The following SEC24D variants were observed in gnomAD, a reference collection of about 807,000 sequenced individuals.
SEC24D encodes the protein protein transport protein Sec24D.
Under a neutral mutation model 116.9 loss-of-function variants are expected in SEC24D, and 69 were observed. The ratio of observed to expected loss-of-function variants is 0.59; its 90% CI spans 0.49 to 0.72. The LOEUF is 0.72. SEC24D is among the 30% of genes least tolerant of loss of function. The pLI is 0.00. For synonymous variants in SEC24D, 405 were observed against 442.8 expected, an observed-to-expected ratio of 0.91 and a Z score of 1.07; for missense variants, 1,131 against 1,264.1, an observed-to-expected ratio of 0.89 and a Z score of 1.60.
At chr4:118,731,584 TTTCC>T in intron 20 of SEC24D, 77 bp from the exon 21 acceptor site, 1 of 1,275,394 alleles carries the variant, frequency 7.8e-7, no homozygotes, top group Non-Finnish European at 1.1e-6. Context: ...TCCTTTCCTT[TTTCC>T]TCCCTCCCCT....
At chr4:118,732,980 G>T in intron 19 of SEC24D, 68 bp from the exon 20 acceptor site, 3 of 1,323,810 alleles carry the variant, frequency 2.3e-6, no homozygotes, top group Non-Finnish European at 3.2e-6. Flanking sequence ...AGCTTCATCT[G>T]TAAGACTGAA....
rs1726927196 is a variant in SEC24D at position 118,753,285 on chromosome 4, G to A, written c.1422-397C>T. Among the ~76,000 whole-genome samples, 3 of 152,102 alleles carry A rather than the reference G, an allele frequency of 2.0e-5. No individual in the cohort carries two copies. The South Asian group carries it at 6.2e-4, about 31-fold the overall frequency. On this transcript the variant is annotated intron_variant, in intron 11 of 22. Transcript: ENST00000280551. The stretch of plus-strand genomic sequence containing the variant: ...CAGAAGAACAAATGGAATATTTGAA[G>A]CAAGGGATGAGGAAGCCATACTCAT...
At chr4:118,766,372 C>G (rs1727644907) in intron 9 of SEC24D, among the ~76,000 whole-genome samples, 1 of 152,180 alleles carries the variant, frequency 6.6e-6, no homozygotes, top group Non-Finnish European at 1.5e-5. Context: ...TGGGTTCTTT[C>G]TAACTCCAAC....
At position 118,740,979 on chromosome 4, in the gene SEC24D, A is replaced by G; in HGVS notation, c.2054T>C (p.Ile685Thr). Residue 685 changes from isoleucine to threonine, a missense_variant, in exon 16 of 23, where the codon ATA becomes ACA. Ile to Thr is a moderately conservative substitution (Grantham distance 89, BLOSUM62 -1). Transcript: ENST00000280551. ...NDLRNDIEKK[I>T]GFDAIMRVRT... ...AACCCTCATAATAGCATCAAAGCCT[A>G]TTTTCTTTTCAATATCATTTCTGAG... 6.3e-7 allele frequency: 1 copy of G among 1,598,406 alleles called. No homozygotes were observed. The highest frequency in any genetic ancestry group is 8.5e-7 in the Non-Finnish European group (1 of 1,170,856).
rs755397076 is a variant in SEC24D, at chr4:118,815,055, C to G, written c.774G>C (p.Lys258Asn). ...QMAGPPQPQK[K>N]LDPDSIPSPI... ...GGCTAGGGATAGAGTCAGGATCCAGCTTCTTCTGGGGCTGTGGCGGACCAG... is the reference window on the plus strand; with the variant it reads ...GGCTAGGGATAGAGTCAGGATCCAGGTTCTTCTGGGGCTGTGGCGGACCAG... Residue 258 changes from lysine to asparagine, a missense_variant, in exon 6 of 23, where the codon AAG becomes AAC. Coordinates refer to ENST00000280551, the MANE Select transcript of SEC24D (RefSeq NM_014822.4). 3.7e-6 allele frequency: 6 copies of G among 1,614,040 alleles called. No individual in the cohort carries two copies. Among genetic ancestry groups the G allele is most frequent in the Non-Finnish European group, 5.1e-6 (6 of 1,180,030 alleles).
rs779525650 is a variant in SEC24D, at chr4:118,757,852, G to C, written c.1297-7C>G. ...GGTTGGGAGGCTTACTCTTCTATAG[G>C]AAAGCAAACACATCACATAAATAAA... is the stretch of plus-strand genomic sequence containing the variant. On this transcript the variant is annotated splice_region_variant and splice_polypyrimidine_tract_variant and intron_variant, in intron 10 of 22. Transcript: ENST00000280551. The C allele has an allele frequency of 5.0e-6, 8 of 1,592,826 alleles. No homozygotes were observed. In the South Asian group the frequency reaches 5.7e-5, roughly 11 times the overall value.
In SEC24D at chr4:118,833,530, G is replaced by A. The variant is rs373812405; in HGVS notation, c.118+49C>T. 4 of 1,257,268 alleles carry A rather than the reference G, an allele frequency of 3.2e-6. No individual in the cohort carries two copies. The African/African-American group carries it at 4.5e-5, about 14-fold the overall frequency. The allele number at this position is 1,257,268 out of a possible 1,614,324, so 77.9% of individuals were successfully genotyped here. A position where few individuals can be genotyped will look rare whatever the true frequency, so the allele number is the denominator to read the frequency against. ...CTCTTTCAGAACATCTTATGTCTCTGAGCCTGAGAACTGAATAATCACATA... is the reference window on the plus strand; with the variant it reads ...CTCTTTCAGAACATCTTATGTCTCTAAGCCTGAGAACTGAATAATCACATA... On this transcript the variant is annotated intron_variant, in intron 2 of 22. Transcript: ENST00000280551.
At chr4:118,774,622 TG>T (rs1728050974) in intron 8 of SEC24D, among the ~76,000 whole-genome samples, 1 of 152,164 alleles carries the variant, frequency 6.6e-6, no homozygotes, top group African/African-American at 2.4e-5. Flanking sequence ...GCTTGCAGAC[TG>T]GATCTGTAGA....
At chr4:118,745,806 T>C (rs1437230468) in intron 13 of SEC24D, among the ~76,000 whole-genome samples, 1 of 152,214 alleles carries the variant, frequency 6.6e-6, no homozygotes, top group East Asian at 1.9e-4. Flanking sequence ...TTCCAAGCCA[T>C]ACTGCACACT....
At chr4:118,789,580 T>C (rs1226459568) in intron 8 of SEC24D, among the ~76,000 whole-genome samples, 1 of 152,178 alleles carries the variant, frequency 6.6e-6, no homozygotes, top group African/African-American at 2.4e-5. Flanking sequence ...ATGTATTATT[T>C]ATTTATTTAT....
At chr4:118,726,158 T>G (rs1157488492) in intron 22 of SEC24D, among the ~76,000 whole-genome samples, 1 of 152,190 alleles carries the variant, frequency 6.6e-6, no homozygotes, top group Non-Finnish European at 1.5e-5. Context: ...TTTCATTGGC[T>G]GACTCACAGG....
chr4:118,823,452 G>A (rs916518811), intron 3 of SEC24D, among the ~76,000 whole-genome samples: 1 of 152,112 alleles, frequency 6.6e-6, no homozygotes, highest in African/African-American at 2.4e-5. Context: ...TCACCATTAG[G>A]AGGATCTACA....
At chr4:118,738,599 T>C (rs1421777363) in intron 18 of SEC24D, among the ~76,000 whole-genome samples, 4 of 152,190 alleles carry the variant, frequency 2.6e-5, no homozygotes, top group Non-Finnish European at 2.9e-5. Context: ...AAAGGTTATA[T>C]TGGCCAGATT....
At chr4:118,732,119 G>A (rs565275899) in intron 20 of SEC24D, among the ~76,000 whole-genome samples, 45 of 152,146 alleles carry the variant, frequency 3.0e-4, no homozygotes, top group South Asian at 6.2e-4. Context: ...TTTGAGCAAA[G>A]AAGTAATACG....
At position 118,723,346 on chromosome 4, in the gene SEC24D, G is replaced by T; in HGVS notation, c.*169C>A. On this transcript the variant is annotated 3_prime_UTR_variant, in exon 23 of 23. Transcript: ENST00000280551. ...TTATGGTACAATTGTACCTTAATTG[G>T]CTTTATACCTGAGCACCAAAGCTGA... 1 of 598,434 alleles carries T rather than the reference G, an allele frequency of 1.7e-6. No individual in the cohort carries two copies. The highest frequency in any genetic ancestry group is 2.9e-6 in the Non-Finnish European group (1 of 350,556). The allele number at this position is 598,434 out of a possible 1,614,324, so 37.1% of individuals were successfully genotyped here. A position where few individuals can be genotyped will look rare whatever the true frequency, so the allele number is the denominator to read the frequency against.
intron 20 of SEC24D, among the ~76,000 whole-genome samples, chr4:118,731,763 A>G (rs1725695613): frequency 2.0e-5 from 3 of 152,254 alleles, no homozygotes; most frequent in South Asian, 2.1e-4. Flanking sequence ...TATGAAGAAA[A>G]GATGCACAAA....
intron 6 of SEC24D, among the ~76,000 whole-genome samples, chr4:118,807,401 G>GAAC (rs1235698193): frequency 1.3e-5 from 2 of 151,582 alleles, no homozygotes; most frequent in African/African-American, 4.9e-5. Flanking sequence ...GTTAAAAAGA[G>GAAC]AACAAGAAAG....
chr4:118,800,205 C>T (rs899259078), intron 7 of SEC24D, among the ~76,000 whole-genome samples: 2 of 151,904 alleles, frequency 1.3e-5, no homozygotes, highest in Admixed American at 6.6e-5. Flanking sequence ...AAGAAAGATG[C>T]GAGAGAAGGT....
In SEC24D at chr4:118,833,593, G is replaced by A. The variant is rs1227833259; in HGVS notation, c.104C>T (p.Thr35Ile). 6.2e-7 allele frequency: 1 copy of A among 1,611,068 alleles called. No homozygotes were observed. The highest frequency in any genetic ancestry group is 8.5e-7 in the Non-Finnish European group (1 of 1,177,340). Residue 35 changes from threonine (T) to isoleucine (I), a missense_variant, in exon 2 of 23, where the codon ACA becomes ATA. Thr to Ile is a moderately conservative substitution (Grantham distance 89). Coordinates refer to ENST00000280551, the MANE Select transcript of SEC24D (RefSeq NM_014822.4). ...HYGHYGDPSH[T>I]ASPTGMMKPA... is the part of the protein sequence containing the mutation. The stretch of plus-strand genomic sequence containing the variant: ...ACACACTGTACCTGTTGGAGATGCT[G>A]TGTGCGACGGATCCCCATAGTGCCC...
Sources: gnomAD v4.1 joint callset for allele counts (sites outside exome capture counted in the v4.1 genomes callset) on GRCh38, gnomAD v4.1.1 for gene constraint, MANE v1.5 for transcripts, NCBI Gene and HGNC (gene_info 2026-07-23, HGNC 2026-07-21) for gene names.